The following PCCB variants were observed in gnomAD, a reference collection of about 807,000 sequenced individuals.
PCCB encodes propionyl-CoA carboxylase beta chain, mitochondrial.
Under a neutral mutation model 60.7 loss-of-function variants are expected in PCCB, and 43 were observed. The observed-to-expected ratio is 0.71, with a 90% CI of 0.55 to 0.91. PCCB has a LOEUF of 0.91. Among genes scored for constraint, PCCB ranks in the 40% least tolerant of loss-of-function variants. The probability of loss-of-function intolerance (pLI) is 0.00; values close to 1 mark genes in which losing one functional copy is unlikely to be tolerated. For synonymous variants in PCCB, 276 were observed against 255.9 expected (o/e 1.08, Z -0.75); for missense variants, 766 against 702.8 (o/e 1.09, Z -1.02).
At chr3:136,294,020 G>C (rs951740615) in intron 7 of PCCB, among the ~76,000 whole-genome samples, 156 bp downstream of exon 7, 2 of 152,072 alleles carry the variant, frequency 1.3e-5, no homozygotes, top group South Asian at 2.1e-4. Context: ...ACAGTGTATT[G>C]TTTACAGATA....
chr3:136,283,624 C>A (rs960376917), intron 5 of PCCB, among the ~76,000 whole-genome samples: 1 of 152,066 alleles, frequency 6.6e-6, no homozygotes, highest in Non-Finnish European at 1.5e-5. Context: ...AAAATACTTG[C>A]CTCAGAAAGT....
rs749565282 is a variant in PCCB at position 136,327,667 on chromosome 3, A to G, written c.1333A>G (p.Lys445Glu). 1 of 1,614,040 alleles carries G rather than the reference A, an allele frequency of 6.2e-7. No individual in the cohort carries two copies. The highest frequency in any genetic ancestry group is 8.5e-7 in the Non-Finnish European group (1 of 1,179,936). ...YGGAYDVMSS[K>E]HLCGDTNYAW... ...AGGTGCCTATGATGTCATGAGCTCT[A>G]AGCACCTTTGTGGTGATACCAACTA... Residue 445 changes from lysine to glutamate, a missense_variant, in exon 13 of 15, where the codon AAG (lysine) becomes GAG (glutamate). Lys to Glu is a moderately conservative substitution (Grantham distance 56). Transcript: ENST00000251654.
chr3:136,302,049 A>G (rs1334981024), intron 9 of PCCB, among the ~76,000 whole-genome samples: 1 of 152,206 alleles, frequency 6.6e-6, no homozygotes, highest in Non-Finnish European at 1.5e-5. Flanking sequence ...GCCTCGCAAC[A>G]GTGTGGGGAG....
intron 5 of PCCB, among the ~76,000 whole-genome samples, chr3:136,280,024 C>T (rs1942434863): frequency 6.6e-6 from 1 of 152,188 alleles, no homozygotes; most frequent in Non-Finnish European, 1.5e-5. Flanking sequence ...GGGGCCGCAA[C>T]TGCTGAGAGG....
intron 9 of PCCB, among the ~76,000 whole-genome samples, chr3:136,311,059 AAAT>A (rs1298259509): frequency 6.6e-6 from 1 of 152,172 alleles, no homozygotes; most frequent in African/African-American, 2.4e-5. Context: ...ATTGTTCTGG[AAAT>A]ATTAACCAAT....
At chr3:136,259,326 C>A (rs1046665400) in intron 3 of PCCB, 11 of 410,634 alleles carry the variant, frequency 2.7e-5, no homozygotes, top group Admixed American at 8.8e-5. Flanking sequence ...TTAGCTGGGC[C>A]TGGTGGCACG....
At chr3:136,307,317 T>C (rs1394924066) in intron 9 of PCCB, among the ~76,000 whole-genome samples, 1 of 65,726 alleles carries the variant, frequency 1.5e-5, no homozygotes, top group African/African-American at 3.1e-5. Context: ...ATTATAATTC[T>C]AAGACTAAAA....
At chr3:136,256,724 G>C in intron 3 of PCCB, 101 bp downstream of exon 3, 1 of 846,486 alleles carries the variant, frequency 1.2e-6, no homozygotes, top group Non-Finnish European at 2.0e-6. Flanking sequence ...CTTGCTTGTA[G>C]TTTGGGGAAA....
intron 14 of PCCB, among the ~76,000 whole-genome samples, chr3:136,329,371 A>G (rs866311629): frequency 5.3e-5 from 8 of 152,192 alleles, no homozygotes; most frequent in African/African-American, 1.9e-4. Context: ...AGGCTAGTCC[A>G]GGCTTCCTTA....
intron 9 of PCCB, among the ~76,000 whole-genome samples, chr3:136,313,530 C>G (rs1934751460): frequency 6.6e-6 from 1 of 152,102 alleles, no homozygotes; most frequent in Middle Eastern, 3.2e-3. Flanking sequence ...GATACAAATG[C>G]AAACACACAC....
intron 5 of PCCB, among the ~76,000 whole-genome samples, chr3:136,270,574 C>A (rs554588689): frequency 6.6e-6 from 1 of 152,110 alleles, no homozygotes; most frequent in African/African-American, 2.4e-5. Flanking sequence ...GGCGCGATCT[C>A]GGCTCACTGC....
chr3:136,276,591 G>A (rs890749335), intron 5 of PCCB, among the ~76,000 whole-genome samples: 5 of 152,144 alleles, frequency 3.3e-5, no homozygotes, highest in Non-Finnish European at 5.9e-5. Context: ...GGGGGTGGGG[G>A]TTGGGGGATT....
chr3:136,318,593 C>T (rs1299115786), intron 10 of PCCB, among the ~76,000 whole-genome samples: 2 of 152,182 alleles, frequency 1.3e-5, no homozygotes, highest in South Asian at 2.1e-4. Flanking sequence ...TCTAAATCTA[C>T]TTTCTCTCTC....
At chr3:136,255,503 T>C (rs1322547220) in intron 1 of PCCB, 1 of 323,780 alleles carries the variant, frequency 3.1e-6, no homozygotes, top group Non-Finnish European at 6.0e-6. Context: ...CACCTGCTTC[T>C]GCATTCTTTT....
At chr3:136,301,973 TGAA>T (rs1934303016) in intron 9 of PCCB, among the ~76,000 whole-genome samples, 1 of 152,056 alleles carries the variant, frequency 6.6e-6, no homozygotes, top group Non-Finnish European at 1.5e-5. Context: ...AGAAAAAAAA[TGAA>T]GATGGTAAAA....
chr3:136,289,152 C>T (rs913508897), intron 6 of PCCB, among the ~76,000 whole-genome samples: 2 of 152,134 alleles, frequency 1.3e-5, no homozygotes, highest in African/African-American at 4.8e-5. Context: ...GACACTGTGC[C>T]CAGCTGATTG....
At chr3:136,307,912 T>C (rs1453063257) in intron 9 of PCCB, among the ~76,000 whole-genome samples, 3 of 151,670 alleles carry the variant, frequency 2.0e-5, no homozygotes, top group Non-Finnish European at 4.4e-5. Context: ...GAGGCAGAGG[T>C]TGTGGTGAGC....
chr3:136,272,628 G>C (rs1942229623), intron 5 of PCCB, among the ~76,000 whole-genome samples: 1 of 152,132 alleles, frequency 6.6e-6, no homozygotes, highest in Non-Finnish European at 1.5e-5. Flanking sequence ...TTTTCAGTTT[G>C]TGTGTGTAAA....
chr3:136,315,756 A>G (rs1338216269), intron 9 of PCCB, among the ~76,000 whole-genome samples: 1 of 151,286 alleles, frequency 6.6e-6, no homozygotes, highest in African/African-American at 2.4e-5. Context: ...TGAGCCCTGG[A>G]GGTTAAGGCT....
Sources: gnomAD v4.1 joint callset for allele counts (sites outside exome capture counted in the v4.1 genomes callset) on GRCh38, gnomAD v4.1.1 for gene constraint, MANE v1.5 for transcripts, NCBI Gene and HGNC (gene_info 2026-07-23, HGNC 2026-07-21) for gene names.